RTN1: variants seen among roughly 807,000 people sequenced by gnomAD.
RTN1 encodes the protein reticulon-1.
In RTN1, 25 loss-of-function variants were observed where a neutral mutation model predicts 65.5. That is an observed-to-expected ratio of 0.38 (90% CI 0.28 to 0.53). RTN1 has a LOEUF of 0.53. RTN1 is among the 20% of genes least tolerant of loss of function. RTN1 has a pLI of 0.79. For missense variants in RTN1, 983 were observed against 1,025.4 expected (o/e 0.96, Z 0.57); for synonymous variants, 471 against 447.6 (o/e 1.05, Z -0.66).
intron 3 of RTN1, among the ~76,000 whole-genome samples, chr14:59,673,261 C>T (rs577010124): frequency 2.6e-5 from 4 of 152,216 alleles, no homozygotes; most frequent in East Asian, 1.9e-4. Flanking sequence ...TTTTGTGTTC[C>T]GTGAGTGGGA....
chr14:59,839,168 T>A (rs1036791483), intron 1 of RTN1, among the ~76,000 whole-genome samples: 1 of 152,228 alleles, frequency 6.6e-6, no homozygotes, highest in Non-Finnish European at 1.5e-5. Flanking sequence ...TTCATTTGAA[T>A]AGATAATCTT....
At chr14:59,786,515 T>G (rs1886252499) in intron 1 of RTN1, among the ~76,000 whole-genome samples, 1 of 152,218 alleles carries the variant, frequency 6.6e-6, no homozygotes, top group Non-Finnish European at 1.5e-5. Flanking sequence ...CATATTAGTA[T>G]TATTATTGCT....
At chr14:59,702,013 C>T (rs1369862450) in intron 3 of RTN1, among the ~76,000 whole-genome samples, 1 of 151,738 alleles carries the variant, frequency 6.6e-6, no homozygotes, top group African/African-American at 2.4e-5. Context: ...TCGCCTTTTA[C>T]AAAAAAAATT....
rs1327600003 is a variant in RTN1, at chr14:59,766,700, C to G, written c.242-20219G>C. On this transcript the variant is annotated intron_variant, in intron 1 of 8. Coordinates refer to ENST00000267484, the MANE Select transcript of RTN1 (RefSeq NM_021136.3). This position sits in a 1 kb window ranked among gnomAD's most constrained non-coding sequence, Gnocchi z 4.4. ...CTGTATATGGATCTTTTCTTCTGGA[C>G]TAGAAGAAACGGAAGGAAAGAGTGT... Among the ~76,000 whole-genome samples, 2 of 152,116 alleles carry G rather than the reference C, an allele frequency of 1.3e-5. No individual in the cohort carries two copies. The highest frequency in any genetic ancestry group is 6.5e-5 in the Admixed American group (1 of 15,280).
chr14:59,663,334 A>T (rs1343817496), intron 3 of RTN1, among the ~76,000 whole-genome samples: 1 of 152,224 alleles, frequency 6.6e-6, no homozygotes, highest in Non-Finnish European at 1.5e-5. Flanking sequence ...CCTAGGACAT[A>T]GGCTTGGGCA....
chr14:59,623,738 G>A (rs112153686), intron 3 of RTN1, among the ~76,000 whole-genome samples: 58 of 152,146 alleles, frequency 3.8e-4, no homozygotes, highest in African/African-American at 1.0e-3. Context: ...AAAGAACCAG[G>A]AGGTAGACAG....
In RTN1 at chr14:59,803,129, G is replaced by A. The variant is rs939345118; in HGVS notation, c.242-56648C>T. On this transcript the variant is annotated intron_variant, in intron 1 of 8. Coordinates refer to ENST00000267484, the MANE Select transcript of RTN1 (RefSeq NM_021136.3). This position sits in a 1 kb window ranked among gnomAD's most constrained non-coding sequence, Gnocchi z 5.6. ...CTGTCTATCTAAATGAAATCAAAAG[G>A]ACAGGATGTCTCCTATTCTTATGTG... Among the ~76,000 whole-genome samples, 2 of 152,158 alleles carry A rather than the reference G, an allele frequency of 1.3e-5. No individual in the cohort carries two copies. Among genetic ancestry groups the A allele is most frequent in the African/African-American group, 2.4e-5 (1 of 41,438 alleles).
chr14:59,838,068 C>T (rs1887245142), intron 1 of RTN1, among the ~76,000 whole-genome samples: 3 of 152,092 alleles, frequency 2.0e-5, no homozygotes, highest in Admixed American at 2.0e-4. Flanking sequence ...CATAAGTACC[C>T]AATAGGTAGT....
At chr14:59,646,649 A>G (rs956717201) in intron 3 of RTN1, among the ~76,000 whole-genome samples, 4 of 152,344 alleles carry the variant, frequency 2.6e-5, no homozygotes, top group East Asian at 3.9e-4. Context: ...AACATTCTCA[A>G]TGAAGAAAAT....
chr14:59,698,848 T>C (rs1884117592), intron 3 of RTN1, among the ~76,000 whole-genome samples: 1 of 152,208 alleles, frequency 6.6e-6, no homozygotes, highest in South Asian at 2.1e-4. Context: ...AGACTTAATG[T>C]TTATGTGCCA....
chr14:59,756,841 G>GTTT (rs11450526), intron 1 of RTN1, among the ~76,000 whole-genome samples: 5 of 100,650 alleles, frequency 5.0e-5, no homozygotes, highest in East Asian at 2.7e-4. Flanking sequence ...TCTTTTTTTT[G>GTTT]TTTTTTTTTT....
intron 3 of RTN1, among the ~76,000 whole-genome samples, chr14:59,631,898 T>C (rs1882563470): frequency 6.6e-6 from 1 of 152,146 alleles, no homozygotes. Flanking sequence ...GTCTTTTTCA[T>C]AGAGAAGTGG....
At chr14:59,665,764 A>G (rs942387554) in intron 3 of RTN1, among the ~76,000 whole-genome samples, 2 of 152,184 alleles carry the variant, frequency 1.3e-5, no homozygotes, top group Non-Finnish European at 2.9e-5. Flanking sequence ...AAGCAAATGG[A>G]AAGCAAAAAA....
At chr14:59,631,917 C>T (rs1392597894) in intron 3 of RTN1, among the ~76,000 whole-genome samples, 11 of 152,082 alleles carry the variant, frequency 7.2e-5, no homozygotes, top group African/African-American at 2.4e-4. Context: ...GGAGCCTTCC[C>T]GATTCTTCTA....
intron 1 of RTN1, among the ~76,000 whole-genome samples, chr14:59,747,505 A>T (rs990739935): frequency 6.6e-6 from 1 of 152,224 alleles, no homozygotes; most frequent in Non-Finnish European, 1.5e-5. Flanking sequence ...GCTACTCAGG[A>T]GGCTGATGCA....
At chr14:59,830,911 G>A (rs1217032588) in intron 1 of RTN1, among the ~76,000 whole-genome samples, 1 of 152,184 alleles carries the variant, frequency 6.6e-6, no homozygotes, top group African/African-American at 2.4e-5. Flanking sequence ...GAGGAAGACA[G>A]AGAAGCAATG....
chr14:59,630,235 T>TGGGGG (rs1882506636), intron 3 of RTN1, among the ~76,000 whole-genome samples: 1 of 12,602 alleles, frequency 7.9e-5, no homozygotes, highest in African/African-American at 3.2e-4. Flanking sequence ...AACAAAGGGG[T>TGGGGG]GGGGGTGGGG....
chr14:59,607,738 C>A, intron 3 of RTN1: 1 of 511,210 alleles, frequency 2.0e-6, no homozygotes, highest in Non-Finnish European at 3.6e-6. Context: ...TATTGAATCT[C>A]CATTGACCAT....
At chr14:59,758,499 T>C (rs1257493654) in intron 1 of RTN1, among the ~76,000 whole-genome samples, 1 of 152,192 alleles carries the variant, frequency 6.6e-6, no homozygotes, top group Non-Finnish European at 1.5e-5. Flanking sequence ...TCTGTGCCTC[T>C]GCTCAAGCCC....
Sources: gnomAD v4.1 joint callset for allele counts (sites outside exome capture counted in the v4.1 genomes callset) on GRCh38, gnomAD v4.1.1 for gene constraint, Gnocchi (gnomAD v3.1) non-coding constraint, MANE v1.5 for transcripts, NCBI Gene and HGNC (gene_info 2026-07-23, HGNC 2026-07-21) for gene names.